The following CNRIP1 variants were observed in gnomAD, a reference collection of about 807,000 sequenced individuals.
CNRIP1 encodes cannabinoid receptor interacting protein 1, also known as CB1 cannabinoid receptor-interacting protein 1.
In CNRIP1, 10 loss-of-function variants were observed where a neutral mutation model predicts 15.2. The observed-to-expected ratio is 0.66, with a 90% confidence interval of 0.41 to 1.12. The LOEUF (loss-of-function observed/expected upper bound fraction) is 1.12. CNRIP1 is among the 50% of genes most tolerant of loss of function. The probability of loss-of-function intolerance (pLI) is 0.00; values close to 1 mark genes in which losing one functional copy is unlikely to be tolerated. For synonymous variants in CNRIP1, 91 were observed against 83.2 expected (o/e 1.09, Z -0.51); for missense variants, 211 against 214.7 (o/e 0.98, Z 0.11).
chr2:68,291,619 G>A (rs1442224133), downstream of CNRIP1, among the ~76,000 whole-genome samples: 10 of 151,976 alleles, frequency 6.6e-5, no homozygotes, highest in African/African-American at 9.7e-5. Flanking sequence ...AGTGGCTCAC[G>A]CCTGTAATCC....
chr2:68,297,227 T>G (rs1403196905), intron 2 of CNRIP1, among the ~76,000 whole-genome samples: 1 of 152,088 alleles, frequency 6.6e-6, no homozygotes, highest in Non-Finnish European at 1.5e-5. Context: ...CGAGGAACAT[T>G]GGAATAAAAA....
chr2:68,312,391 A>G (rs949180800), intron 2 of CNRIP1, among the ~76,000 whole-genome samples: 6 of 152,246 alleles, frequency 3.9e-5, no homozygotes, highest in Non-Finnish European at 8.8e-5. Flanking sequence ...CAGAAAAACT[A>G]TTTGAAAACA....
chr2:68,318,501 T>C (rs1479051431), intron 1 of CNRIP1, among the ~76,000 whole-genome samples: 2 of 152,104 alleles, frequency 1.3e-5, no homozygotes, highest in Non-Finnish European at 2.9e-5. Context: ...CAAGAAATCG[T>C]CCCTGCCATG....
Position 68,293,077 on chromosome 2 carries a change from T to C in CNRIP1, c.*785A>G, listed in dbSNP as rs1019989614. ...CAGGTCCATATGCAGTTTTACAAAG[T>C]TCAAGTGAAGAAGACTGTAGGGATG... On this transcript the variant is annotated 3_prime_UTR_variant, in exon 3 of 3. Coordinates refer to ENST00000263655, the MANE Select transcript of CNRIP1 (RefSeq NM_015463.3). 6 of 985,268 alleles carry C rather than the reference T, an allele frequency of 6.1e-6. No individual in the cohort carries two copies. The African/African-American group carries it at 1.0e-4, about 17-fold the overall frequency. The allele number at this position is 985,268 out of a possible 1,614,324, so 61.0% of individuals were successfully genotyped here.
chr2:68,287,905 A>T (rs1164160150), intron 2 of CNRIP1, among the ~76,000 whole-genome samples: 1 of 152,264 alleles, frequency 6.6e-6, no homozygotes, highest in African/African-American at 2.4e-5. Context: ...TACGAACGTG[A>T]CAAGGCAAAT....
intron 2 of CNRIP1, among the ~76,000 whole-genome samples, chr2:68,313,398 T>C (rs1228697267): frequency 1.3e-5 from 2 of 152,154 alleles, no homozygotes; most frequent in Non-Finnish European, 2.9e-5. Flanking sequence ...AGCAGCTTTA[T>C]TCATAATAGC....
exon 3 of CNRIP1, chr2:68,284,454 A>T: frequency 6.5e-7 from 1 of 1,540,464 alleles, no homozygotes. Flanking sequence ...TATGTAAGAG[A>T]GATCTCTTGG....
Position 68,293,483 on chromosome 2 carries a change from C to CA in CNRIP1, c.*378dup, listed in dbSNP as rs923473539. The stretch of plus-strand genomic sequence containing the variant: ...TGTTATTTTTAAATTTAACATTGAA[C>CA]AAAAAAAAGGAGGAATCACTTAACT... On this transcript the variant is annotated 3_prime_UTR_variant, in exon 3 of 3. Coordinates refer to ENST00000263655, the MANE Select transcript of CNRIP1 (RefSeq NM_015463.3). The CA allele has an allele frequency of 6.2e-5, 62 of 998,610 alleles. No homozygotes were observed. The highest frequency in any genetic ancestry group is 2.0e-4 in the East Asian group (2 of 10,022). 61.9% of individuals were successfully genotyped at this position (998,610 alleles called of 1,614,324 possible).
chr2:68,315,474 C>T (rs1016462484), intron 2 of CNRIP1, among the ~76,000 whole-genome samples: 6 of 152,062 alleles, frequency 3.9e-5, no homozygotes, highest in Non-Finnish European at 7.4e-5. Flanking sequence ...TTGTACAGTA[C>T]TCAGTGATTT....
rs1194152373 is a variant in CNRIP1, at chr2:68,319,285, T to C, written c.116A>G (p.Lys39Arg). The stretch of plus-strand genomic sequence containing the variant: ...CTTGTAGGAGGAGCCGGTGAGCAGC[T>C]TGATGGTGCGGTTCTGGCCGAAGCG... ...GQRFGQNRTIKLLTGSSYKVE... is the reference protein window; with the variant it reads ...GQRFGQNRTIRLLTGSSYKVE... Residue 39 changes from lysine (K) to arginine (R), a missense_variant, in exon 1 of 3, where the codon AAG (lysine) becomes AGG (arginine). Lys to Arg is a conservative substitution (Grantham distance 26, BLOSUM62 2). Transcript: ENST00000263655. 6.4e-7 allele frequency: 1 copy of C among 1,551,992 alleles called. No homozygotes were observed. Among genetic ancestry groups the C allele is most frequent in the South Asian group, 1.2e-5 (1 of 84,166 alleles).
At chr2:68,316,586 T>C (rs1010369650) in intron 2 of CNRIP1, 3 of 150,580 alleles carry the variant, frequency 2.0e-5, no homozygotes, top group African/African-American at 7.3e-5. Context: ...CATTTTATTA[T>C]ATATGATATC....
downstream of CNRIP1, among the ~76,000 whole-genome samples, chr2:68,288,694 G>A (rs1473732032): frequency 6.6e-6 from 1 of 152,174 alleles, no homozygotes; most frequent in Non-Finnish European, 1.5e-5. Context: ...ACTTCTGTTT[G>A]TTGGCAACAA....
intron 1 of CNRIP1, among the ~76,000 whole-genome samples, chr2:68,318,198 G>C (rs544717273): frequency 1.2e-4 from 19 of 152,132 alleles, no homozygotes; most frequent in African/African-American, 4.6e-4. Context: ...AAACCATCCA[G>C]ATTTGGTTCT....
intron 2 of CNRIP1, among the ~76,000 whole-genome samples, chr2:68,300,009 T>C (rs1671544932): frequency 6.6e-6 from 1 of 152,232 alleles, no homozygotes; most frequent in Non-Finnish European, 1.5e-5. Context: ...AGTATAAATA[T>C]GCATCTGTGA....
At chr2:68,305,274 A>ATGTGTGTGTG (rs10601379) in intron 2 of CNRIP1, among the ~76,000 whole-genome samples, 1,788 of 120,582 alleles carry the variant, frequency 0.015, 32 homozygotes, top group South Asian at 0.035. Flanking sequence ...ATATATATAT[A>ATGTGTGTGTG]TGTGTGTGTG....
At chr2:68,308,808 C>T (rs1460983314) in intron 2 of CNRIP1, among the ~76,000 whole-genome samples, 1 of 151,544 alleles carries the variant, frequency 6.6e-6, no homozygotes, top group Non-Finnish European at 1.5e-5. Context: ...CTTTTTTTTT[C>T]TACCCAATAA....
intron 1 of CNRIP1, 26 bp downstream of exon 1, chr2:68,319,196 G>A: frequency 6.6e-7 from 1 of 1,522,358 alleles, no homozygotes; most frequent in East Asian, 2.5e-5. Context: ...GGGGGACCCT[G>A]CTGCCACCAG....
chr2:68,291,723 A>G (rs1005754859), downstream of CNRIP1, among the ~76,000 whole-genome samples: 3 of 152,092 alleles, frequency 2.0e-5, no homozygotes, highest in African/African-American at 7.2e-5. Flanking sequence ...TACTAAAAAT[A>G]TAAAAATTAG....
At chr2:68,294,721 A>G (rs1479075461) in intron 2 of CNRIP1, among the ~76,000 whole-genome samples, 1 of 152,252 alleles carries the variant, frequency 6.6e-6, no homozygotes, top group African/African-American at 2.4e-5. Context: ...CCATATTTTA[A>G]CTATTAAACA....
Sources: allele counts gnomAD v4.1 joint callset (sites outside exome capture counted in the v4.1 genomes callset), GRCh38; gene constraint gnomAD v4.1.1; transcripts MANE v1.5; gene names NCBI Gene and HGNC (gene_info 2026-07-23, HGNC 2026-07-21).